The following RYR3 variants were observed in gnomAD, a reference collection of about 807,000 sequenced individuals.
RYR3 encodes the protein brain ryanodine receptor-calcium release channel.
In RYR3, 207 loss-of-function variants were observed where a neutral mutation model predicts 584.3. The observed-to-expected ratio is 0.35, with a 90% confidence interval of 0.32 to 0.40. The LOEUF (loss-of-function observed/expected upper bound fraction) is 0.40, where lower values mean the gene tolerates loss of function less well. RYR3 is among the 10% of genes least tolerant of loss of function. RYR3 has a pLI of 1.00. For synonymous variants in RYR3, 2,416 were observed against 2,248.5 expected, an observed-to-expected ratio of 1.07 and a Z score of -2.11; for missense variants, 5,616 against 6,089.2, an observed-to-expected ratio of 0.92 and a Z score of 2.59.
intron 38 of RYR3, among the ~76,000 whole-genome samples, chr15:33,688,942 A>G (rs553514126): frequency 1.3e-5 from 2 of 152,306 alleles, no homozygotes; most frequent in South Asian, 4.1e-4. Flanking sequence ...TTATTGCAGC[A>G]CTATTCACAA....
At chr15:33,457,749 A>G (rs757140903) in intron 1 of RYR3, among the ~76,000 whole-genome samples, 4 of 152,234 alleles carry the variant, frequency 2.6e-5, no homozygotes, top group Non-Finnish European at 5.9e-5. Flanking sequence ...AAGAAGTGAT[A>G]CATGTGTGAG....
At chr15:33,707,299 C>T (rs372299264) in intron 43 of RYR3, among the ~76,000 whole-genome samples, 3 of 152,190 alleles carry the variant, frequency 2.0e-5, no homozygotes, top group East Asian at 1.9e-4. Flanking sequence ...CCAGGTCCAG[C>T]AAGAAACTCA....
intron 60 of RYR3, among the ~76,000 whole-genome samples, chr15:33,765,666 TA>T (rs2072987482): frequency 6.9e-6 from 1 of 145,570 alleles, no homozygotes; most frequent in Non-Finnish European, 1.5e-5. Flanking sequence ...GAAAATAGTC[TA>T]AATAGTCTAA....
chr15:33,544,858 C>T (rs1192655661), intron 8 of RYR3, among the ~76,000 whole-genome samples: 2 of 127,546 alleles, frequency 1.6e-5, no homozygotes, highest in Admixed American at 9.0e-5. Flanking sequence ...GGCACTGGTC[C>T]GGCGGTTGAT....
intron 38 of RYR3, among the ~76,000 whole-genome samples, chr15:33,681,591 C>T (rs749042469): frequency 4.5e-4 from 69 of 152,308 alleles, no homozygotes; most frequent in Middle Eastern, 3.4e-3. Context: ...CTTTACACTT[C>T]AAAATTATCT....
intron 8 of RYR3, among the ~76,000 whole-genome samples, chr15:33,546,962 G>C (rs1282790939): frequency 6.6e-6 from 1 of 152,180 alleles, no homozygotes; most frequent in South Asian, 2.1e-4. Flanking sequence ...GAATGTAAAT[G>C]CAGTTAAATA....
chr15:33,341,732 T>C (rs527967230), intron 1 of RYR3, among the ~76,000 whole-genome samples: 35 of 152,250 alleles, frequency 2.3e-4, no homozygotes, highest in African/African-American at 7.7e-4. Flanking sequence ...TCAGTCAGGC[T>C]GAAAGGACTC....
At chr15:33,814,630 G>T (rs2076710997) in intron 74 of RYR3, among the ~76,000 whole-genome samples, 1 of 152,094 alleles carries the variant, frequency 6.6e-6, no homozygotes, top group African/African-American at 2.4e-5. Context: ...CGGGCGCAGT[G>T]GCTCACTCCT....
intron 27 of RYR3, among the ~76,000 whole-genome samples, chr15:33,643,155 G>A (rs367558481): frequency 1.3e-5 from 2 of 152,042 alleles, no homozygotes. Context: ...AATGTCCCCC[G>A]AAATGACCAC....
At chr15:33,411,285 T>G (rs2043386847) in intron 1 of RYR3, among the ~76,000 whole-genome samples, 1 of 152,172 alleles carries the variant, frequency 6.6e-6, no homozygotes, top group African/African-American at 2.4e-5. Flanking sequence ...ATAATGTATT[T>G]TCCTTGTCTC....
chr15:33,517,285 G>A (rs1455654930), intron 3 of RYR3, among the ~76,000 whole-genome samples: 2 of 152,184 alleles, frequency 1.3e-5, no homozygotes, highest in Non-Finnish European at 2.9e-5. Context: ...GAGCCACTGT[G>A]CCCAGCCTCT....
intron 19 of RYR3, 64 bp downstream of exon 19, chr15:33,613,439 G>A (rs2060296141): frequency 1.7e-5 from 26 of 1,488,332 alleles, no homozygotes; most frequent in Non-Finnish European, 2.4e-5. Flanking sequence ...ACCACTGTGA[G>A]CTGCGAAGCC....
At chr15:33,586,704 T>G (rs2058864931) in intron 16 of RYR3, among the ~76,000 whole-genome samples, 1 of 152,192 alleles carries the variant, frequency 6.6e-6, no homozygotes, top group Non-Finnish European at 1.5e-5. Context: ...CAAGGGCATC[T>G]CACTAAGTGG....
At chr15:33,493,180 T>C (rs1210514203) in intron 2 of RYR3, among the ~76,000 whole-genome samples, 2 of 152,006 alleles carry the variant, frequency 1.3e-5, no homozygotes, top group African/African-American at 4.8e-5. Flanking sequence ...CTGCCGATCC[T>C]ACCTCATCTT....
chr15:33,548,321 C>G, intron 9 of RYR3, 117 bp downstream of exon 9: 1 of 636,794 alleles, frequency 1.6e-6, no homozygotes, highest in African/African-American at 1.9e-5. Flanking sequence ...AGTCCTTTGT[C>G]TAGAGCTAAG....
In RYR3 at chr15:33,855,108, C is replaced by G. The variant is rs11853646; in HGVS notation, c.14007+196C>G. On this transcript the variant is annotated intron_variant, in intron 98 of 103. Coordinates refer to ENST00000634891, the MANE Select transcript of RYR3 (RefSeq NM_001036.6). Reference sequence around the variant, plus strand: ...TTAAAAATGTAACTGCAACCATCATCTAAAAAGCATAAGACCTTGATTCAG... The same window carrying G: ...TTAAAAATGTAACTGCAACCATCATGTAAAAAGCATAAGACCTTGATTCAG... 0.086 allele frequency among the ~76,000 whole-genome samples: 13,048 copies of G among 152,158 alleles called. 850 individuals carry two copies. The highest frequency in any genetic ancestry group is 0.17 in the African/African-American group (6,928 of 41,520).
At chr15:33,623,405 C>T (rs778058184) in intron 19 of RYR3, among the ~76,000 whole-genome samples, 14 of 150,998 alleles carry the variant, frequency 9.3e-5, no homozygotes, top group Non-Finnish European at 1.8e-4. Context: ...GGATAATCTC[C>T]CTCGAGAAGA....
At chr15:33,809,690 C>G (rs1450328000) in intron 70 of RYR3, among the ~76,000 whole-genome samples, 1 of 151,062 alleles carries the variant, frequency 6.6e-6, no homozygotes, top group Admixed American at 6.6e-5. Context: ...CGCTGTAGTG[C>G]CATGGCGTGA....
At chr15:33,626,128 T>C (rs74005907) in intron 20 of RYR3, among the ~76,000 whole-genome samples, 8,739 of 152,160 alleles carry the variant, frequency 0.057, 246 homozygotes, top group Middle Eastern at 0.085. Context: ...ATCAGAAACA[T>C]GTGTGTTAGA....
Sources: allele counts gnomAD v4.1 joint callset (sites outside exome capture counted in the v4.1 genomes callset), GRCh38; gene constraint gnomAD v4.1.1; transcripts MANE v1.5; gene names NCBI Gene and HGNC (gene_info 2026-07-23, HGNC 2026-07-21).